TGFA: variants seen among roughly 807,000 people sequenced by gnomAD.
TGFA encodes protransforming growth factor alpha.
TGFA carries 12 observed loss-of-function variants against 21.7 expected under a neutral mutation model. The observed-to-expected ratio is 0.55, with a 90% CI of 0.35 to 0.90. The LOEUF is 0.90. Among genes scored for constraint, TGFA ranks in the 40% least tolerant of loss-of-function variants. TGFA has a pLI of 0.01. For synonymous variants in TGFA, 79 were observed against 88.1 expected (o/e 0.90, Z 0.58); for missense variants, 178 against 210.8 (o/e 0.84, Z 0.96).
intron 5 of TGFA, 107 bp from the exon 6 acceptor site, chr2:70,450,973 G>C: frequency 7.2e-7 from 1 of 1,385,964 alleles, no homozygotes; most frequent in South Asian, 1.2e-5. Flanking sequence ...ATGTCACCAA[G>C]TTCTCTCGGG....
intron 2 of TGFA, among the ~76,000 whole-genome samples, chr2:70,484,476 A>T (rs938450891): frequency 6.6e-6 from 1 of 152,096 alleles, no homozygotes; most frequent in Non-Finnish European, 1.5e-5. Flanking sequence ...TATTGAGCCT[A>T]TTTGTTTATT....
chr2:70,482,140 A>T (rs1553495691), intron 2 of TGFA, among the ~76,000 whole-genome samples: 1 of 152,106 alleles, frequency 6.6e-6, no homozygotes, highest in Non-Finnish European at 1.5e-5. Flanking sequence ...CCTTTCTTAA[A>T]ATAGTCTACT....
chr2:70,477,629 G>T (rs1553494694), intron 2 of TGFA, among the ~76,000 whole-genome samples: 2 of 152,138 alleles, frequency 1.3e-5, no homozygotes, highest in African/African-American at 4.8e-5. Context: ...CTCAGCAGAG[G>T]TAACATGCTC....
At chr2:70,475,341 T>G (rs1670889920) in intron 2 of TGFA, among the ~76,000 whole-genome samples, 1 of 152,280 alleles carries the variant, frequency 6.6e-6, no homozygotes, top group South Asian at 2.1e-4. Flanking sequence ...ACAAAAATCT[T>G]GCAAGGAAAT....
At position 70,521,617 on chromosome 2, in the gene TGFA, G is replaced by GTTTTTTTTTT. The variant is rs35177436; in HGVS notation, c.41-6715_41-6706dup. Reference sequence around the variant, plus strand: ...TAGTTTTTTTTGTTGTTGTTTGTTTGTTTTTTTTTTTTTTTTTTTTTGAGT... The same window carrying GTTTTTTTTTT: ...TAGTTTTTTTTGTTGTTGTTTGTTTGTTTTTTTTTTTTTTTTTTTTTTTTTTTTTTTGAGT... On this transcript the variant is annotated intron_variant, in intron 1 of 5. Coordinates refer to ENST00000295400, the MANE Select transcript of TGFA (RefSeq NM_003236.4). Among the ~76,000 whole-genome samples, 189 of 87,046 alleles carry GTTTTTTTTTT rather than the reference G, an allele frequency of 2.2e-3. 1 individual carries two copies. Among genetic ancestry groups the GTTTTTTTTTT allele is most frequent in the Middle Eastern group, 8.6e-3 (1 of 116 alleles). The allele number at this position is 87,046 out of a possible 152,430, so 57.1% of individuals were successfully genotyped here.
chr2:70,551,253 T>C (rs530888035), intron 1 of TGFA, among the ~76,000 whole-genome samples: 4 of 152,286 alleles, frequency 2.6e-5, no homozygotes, highest in East Asian at 1.9e-4. Context: ...GAGGAGGAAA[T>C]GTAACTGGAA....
intron 1 of TGFA, among the ~76,000 whole-genome samples, chr2:70,541,725 C>G (rs569862836): frequency 6.6e-6 from 1 of 152,158 alleles, no homozygotes; most frequent in East Asian, 1.9e-4. Flanking sequence ...TGATGAGATT[C>G]AGAGAGAGTC....
intron 1 of TGFA, among the ~76,000 whole-genome samples, chr2:70,538,781 G>A (rs1553504826): frequency 6.6e-6 from 1 of 152,204 alleles, no homozygotes; most frequent in Non-Finnish European, 1.5e-5. Flanking sequence ...ACAGGACTTA[G>A]AGTATTCCAT....
chr2:70,508,835 AT>A (rs1672009672), intron 2 of TGFA, among the ~76,000 whole-genome samples: 1 of 152,202 alleles, frequency 6.6e-6, no homozygotes, highest in African/African-American at 2.4e-5. Context: ...GTTCAAGAAG[AT>A]TTAAGAGGTC....
intron 2 of TGFA, chr2:70,468,372 C>G (rs1670634915): frequency 6.6e-6 from 1 of 152,250 alleles, no homozygotes; most frequent in Non-Finnish European, 1.5e-5. Flanking sequence ...TTACAGTCAC[C>G]TGCATGTGCT....
intron 1 of TGFA, among the ~76,000 whole-genome samples, chr2:70,545,182 G>T (rs1192962046): frequency 5.9e-5 from 9 of 151,886 alleles, no homozygotes; most frequent in African/African-American, 2.2e-4. Context: ...TTGTAAAAAT[G>T]TTGGAAGGAG....
chr2:70,465,241 T>C (rs1305344687), intron 3 of TGFA, among the ~76,000 whole-genome samples: 2 of 152,248 alleles, frequency 1.3e-5, no homozygotes, highest in African/African-American at 4.8e-5. Context: ...TTAGAGACTT[T>C]GGCCACTCAA....
chr2:70,506,761 G>T (rs1574113797), intron 2 of TGFA, among the ~76,000 whole-genome samples: 1 of 152,158 alleles, frequency 6.6e-6, no homozygotes, highest in East Asian at 1.9e-4. Context: ...GGCACAGAGA[G>T]GTTAAGTATC....
At chr2:70,477,607 T>A (rs139496462) in intron 2 of TGFA, among the ~76,000 whole-genome samples, 68 of 152,308 alleles carry the variant, frequency 4.5e-4, no homozygotes, top group African/African-American at 1.6e-3. Flanking sequence ...CCAGGATATA[T>A]GGCCAGTGGA....
chr2:70,549,139 C>T (rs1336118091), intron 1 of TGFA, among the ~76,000 whole-genome samples: 2 of 152,180 alleles, frequency 1.3e-5, no homozygotes, highest in East Asian at 3.8e-4. Context: ...ATGATTAGCA[C>T]TGGCAAGCTT....
chr2:70,507,392 T>C (rs181387087), intron 2 of TGFA, among the ~76,000 whole-genome samples: 2 of 152,280 alleles, frequency 1.3e-5, no homozygotes, highest in Admixed American at 6.5e-5. Flanking sequence ...GTATATAGTT[T>C]ATAAGTTCGA....
At chr2:70,453,607 G>C (rs1553490025) in intron 4 of TGFA, among the ~76,000 whole-genome samples, 1 of 152,192 alleles carries the variant, frequency 6.6e-6, no homozygotes, top group African/African-American at 2.4e-5. Context: ...AGCTTCCCCA[G>C]CTGTCAGAGA....
chr2:70,478,065 C>G (rs1670990358), intron 2 of TGFA, among the ~76,000 whole-genome samples: 2 of 146,398 alleles, frequency 1.4e-5, no homozygotes, highest in South Asian at 4.3e-4. Flanking sequence ...GATTGGGAGG[C>G]TCCACTTTGA....
At chr2:70,549,427 A>C (rs915251431) in intron 1 of TGFA, among the ~76,000 whole-genome samples, 1 of 152,166 alleles carries the variant, frequency 6.6e-6, no homozygotes, top group Non-Finnish European at 1.5e-5. Context: ...CATCAGCAAC[A>C]TACGCCACAC....
Sources: allele counts gnomAD v4.1 joint callset (sites outside exome capture counted in the v4.1 genomes callset), GRCh38; gene constraint gnomAD v4.1.1; transcripts MANE v1.5; gene names NCBI Gene and HGNC (gene_info 2026-07-23, HGNC 2026-07-21).